The following ANKS1A variants were observed in gnomAD, a reference collection of about 807,000 sequenced individuals.
ANKS1A encodes ankyrin repeat and SAM domain-containing protein 1A.
ANKS1A carries 55 observed loss-of-function variants against 120.3 expected under a neutral mutation model. That is an observed-to-expected ratio of 0.46 (90% CI 0.37 to 0.57). The LOEUF (loss-of-function observed/expected upper bound fraction) is 0.57, where lower values mean the gene tolerates loss of function less well. ANKS1A is among the 20% of genes least tolerant of loss of function. The probability of loss-of-function intolerance (pLI) is 0.00; values close to 1 mark genes in which losing one functional copy is unlikely to be tolerated. For synonymous variants in ANKS1A, 590 were observed against 604.7 expected (o/e 0.98, Z 0.36); for missense variants, 1,123 against 1,480.3 (o/e 0.76, Z 3.96).
chr6:34,984,700 C>T (rs1772090829), intron 7 of ANKS1A, among the ~76,000 whole-genome samples: 1 of 152,136 alleles, frequency 6.6e-6, no homozygotes, highest in South Asian at 2.1e-4. Flanking sequence ...CTCTATTTTG[C>T]TTGAGCACAT....
intron 10 of ANKS1A, among the ~76,000 whole-genome samples, chr6:34,998,039 C>G (rs1561901853): frequency 6.6e-6 from 1 of 152,302 alleles, no homozygotes; most frequent in South Asian, 2.1e-4. Flanking sequence ...TTAGATCACT[C>G]AAAGAGCTTT....
chr6:34,994,230 G>T, intron 9 of ANKS1A, 72 bp from the exon 10 acceptor site: 2 of 1,546,538 alleles, frequency 1.3e-6, no homozygotes, highest in South Asian at 1.2e-5. Flanking sequence ...CAATAATCTC[G>T]AATTTGTTCC....
intron 13 of ANKS1A, among the ~76,000 whole-genome samples, chr6:35,067,581 G>T (rs1395426649): frequency 6.6e-6 from 1 of 152,140 alleles, no homozygotes; most frequent in Non-Finnish European, 1.5e-5. Flanking sequence ...GAAATGTCAT[G>T]GGGGATATTC....
chr6:34,930,218 T>G (rs1768915614), intron 1 of ANKS1A, among the ~76,000 whole-genome samples: 1 of 152,206 alleles, frequency 6.6e-6, no homozygotes, highest in Non-Finnish European at 1.5e-5. Flanking sequence ...ATCATCTTGT[T>G]TTTAATATTG....
intron 1 of ANKS1A, among the ~76,000 whole-genome samples, chr6:34,949,450 A>C (rs931040822): frequency 8.5e-5 from 13 of 152,234 alleles, no homozygotes; most frequent in African/African-American, 3.1e-4. Flanking sequence ...GTTAGCATTT[A>C]AAAAGTAGGA....
chr6:34,940,777 G>A (rs180946113), intron 1 of ANKS1A, among the ~76,000 whole-genome samples: 11 of 151,740 alleles, frequency 7.2e-5, no homozygotes, highest in African/African-American at 1.9e-4. Flanking sequence ...GCGTGGTGGC[G>A]GGTGCCTGTA....
At chr6:35,000,404 A>G (rs940766619) in intron 10 of ANKS1A, among the ~76,000 whole-genome samples, 2 of 152,154 alleles carry the variant, frequency 1.3e-5, no homozygotes, top group African/African-American at 4.8e-5. Flanking sequence ...GTATTATAGT[A>G]ACTTCTAATC....
chr6:35,073,169 C>A (rs1000672360), intron 13 of ANKS1A, among the ~76,000 whole-genome samples: 3 of 152,210 alleles, frequency 2.0e-5, no homozygotes, highest in Non-Finnish European at 4.4e-5. Flanking sequence ...CCCGCATCTT[C>A]ACTGTGAGCC....
At chr6:34,979,535 T>TG (rs1343921120) in intron 3 of ANKS1A, among the ~76,000 whole-genome samples, 2 of 152,172 alleles carry the variant, frequency 1.3e-5, no homozygotes, top group Non-Finnish European at 2.9e-5. Context: ...AGGGCAGCTT[T>TG]GTGAGAGCTG....
At chr6:35,017,360 C>G in intron 10 of ANKS1A, 113 bp from the exon 11 acceptor site, 5 of 1,116,338 alleles carry the variant, frequency 4.5e-6, no homozygotes, top group Non-Finnish European at 5.0e-6. Flanking sequence ...TCCAGTTTCT[C>G]TCTCTGTTTC....
intron 1 of ANKS1A, among the ~76,000 whole-genome samples, chr6:34,951,764 C>T (rs966380361): frequency 5.3e-5 from 8 of 152,078 alleles, no homozygotes; most frequent in Non-Finnish European, 8.8e-5. Flanking sequence ...TCAATACTTA[C>T]CTTAAGTAAC....
At chr6:34,974,983 A>T (rs773047757) in intron 3 of ANKS1A, among the ~76,000 whole-genome samples, 4 of 152,238 alleles carry the variant, frequency 2.6e-5, no homozygotes, top group Non-Finnish European at 5.9e-5. Flanking sequence ...TAATTTAGTG[A>T]GCTTATAAAG....
chr6:34,999,472 G>A lies in ANKS1A; in HGVS notation c.1423+5050G>A, dbSNP rs756085440. ...TTTGTTTTGTGCGTGTGGTGTGAGCGTGGTGTTTTGTCTCAAAGAAGCATG... is the reference window on the plus strand; with the variant it reads ...TTTGTTTTGTGCGTGTGGTGTGAGCATGGTGTTTTGTCTCAAAGAAGCATG... On this transcript the variant is annotated intron_variant, in intron 10 of 23. Coordinates refer to ENST00000360359, the MANE Select transcript of ANKS1A (RefSeq NM_015245.3). Among the ~76,000 whole-genome samples, 22 of 152,254 alleles carry A rather than the reference G, an allele frequency of 1.4e-4. 1 individual carries two copies. The highest frequency in any genetic ancestry group is 8.3e-4 in the South Asian group (4 of 4,816).
intron 10 of ANKS1A, among the ~76,000 whole-genome samples, chr6:35,007,175 A>G (rs1158157642): frequency 2.0e-5 from 3 of 152,302 alleles, no homozygotes; most frequent in East Asian, 1.9e-4. Flanking sequence ...TGGGGTTGCT[A>G]CTGGCATTTT....
Position 35,083,481 on chromosome 6 carries a change from A to G in ANKS1A, c.2972A>G (p.Lys991Arg), listed in dbSNP as rs1186644556. 1.9e-6 allele frequency: 3 copies of G among 1,613,970 alleles called. No individual in the cohort carries two copies. Among genetic ancestry groups the G allele is most frequent in the Admixed American group, 3.3e-5 (2 of 60,012 alleles). The change falls in exon 20 of 24, where the codon AAG becomes AGG. Residue 991 changes from lysine (K) to arginine (R), a missense_variant. This residue lies in a region of ANKS1A where 904 missense variants were observed against 1,130.4 expected (regional missense o/e 0.80). Coordinates refer to ENST00000360359, the MANE Select transcript of ANKS1A (RefSeq NM_015245.3). ...IILSITYKGV[K>R]FIDASNKNVI... ...CTGTCCATCACATACAAAGGTGTCA[A>G]GTTCATCGATGCCTCCAACAAGGTG... is the stretch of plus-strand genomic sequence containing the variant.
chr6:34,945,529 A>G (rs72894084), intron 1 of ANKS1A, among the ~76,000 whole-genome samples: 9,250 of 152,294 alleles, frequency 0.061, 396 homozygotes, highest in Non-Finnish European at 0.092. Flanking sequence ...GTCAAAGATC[A>G]GTTGACTATA....
intron 1 of ANKS1A, among the ~76,000 whole-genome samples, chr6:34,904,911 A>G (rs1767566135): frequency 6.6e-6 from 1 of 152,008 alleles, no homozygotes; most frequent in African/African-American, 2.4e-5. Flanking sequence ...CTCAGGTTCA[A>G]GTGATTCTTC....
rs540201580 is a variant in ANKS1A, at chr6:34,903,767, G to A, written c.197+14168G>A. Among the ~76,000 whole-genome samples, 65 of 152,160 alleles carry A rather than the reference G, an allele frequency of 4.3e-4. No homozygotes were observed. The South Asian group carries it at 4.8e-3, about 11-fold the overall frequency. ...CCTGACCTTGTGAGCCACCCGCCTC[G>A]GCCTTCCAAAGTGTTGGGATTACAG... On this transcript the variant is annotated intron_variant, in intron 1 of 23. Coordinates refer to ENST00000360359, the MANE Select transcript of ANKS1A (RefSeq NM_015245.3).
At chr6:34,945,607 T>A (rs1439503546) in intron 1 of ANKS1A, among the ~76,000 whole-genome samples, 1 of 152,238 alleles carries the variant, frequency 6.6e-6, no homozygotes, top group African/African-American at 2.4e-5. Context: ...CATCACACAC[T>A]GTCTTCATCA....
Sources: allele counts gnomAD v4.1 joint callset (sites outside exome capture counted in the v4.1 genomes callset), GRCh38; gene constraint gnomAD v4.1.1; regional missense constraint gnomAD v4.1.1; transcripts MANE v1.5; gene names NCBI Gene and HGNC (gene_info 2026-07-23, HGNC 2026-07-21).